Variants in CFAP54 observed in about 807,000 individuals in gnomAD.
The protein encoded by CFAP54 is cilia and flagella associated protein 54.
In CFAP54, 290 loss-of-function variants were observed where a neutral mutation model predicts 370.4. The ratio of observed to expected loss-of-function variants is 0.78; its 90% confidence interval spans 0.71 to 0.86. The LOEUF (loss-of-function observed/expected upper bound fraction) is 0.86. Ranked by LOEUF, CFAP54 falls within the 40% of genes least tolerant of loss-of-function variation. The pLI, the probability that CFAP54 is intolerant of heterozygous loss-of-function variation, is 0.00. For missense variants in CFAP54, 3,399 were observed against 3,528.7 expected, an observed-to-expected ratio of 0.96 and a Z score of 0.93; for synonymous variants, 1,206 against 1,236.5, an observed-to-expected ratio of 0.98 and a Z score of 0.52.
intron 15 of CFAP54, among the ~76,000 whole-genome samples, chr12:96,552,878 C>CA (rs1437960357): frequency 6.6e-6 from 1 of 152,082 alleles, no homozygotes; most frequent in Non-Finnish European, 1.5e-5. Context: ...ATTAGTCTTC[C>CA]AATGAGGGGC....
intron 15 of CFAP54, among the ~76,000 whole-genome samples, chr12:96,549,165 T>C (rs546190697): frequency 6.6e-6 from 1 of 152,296 alleles, no homozygotes; most frequent in South Asian, 2.1e-4. Context: ...CTCTGGTAGA[T>C]TTTTAAGGAC....
intron 9 of CFAP54, among the ~76,000 whole-genome samples, chr12:96,530,586 A>G (rs1220652106): frequency 6.6e-6 from 1 of 152,204 alleles, no homozygotes; most frequent in Non-Finnish European, 1.5e-5. Context: ...TTTGAAGGAC[A>G]TTTGAATTAT....
At chr12:96,675,897 A>T (rs568702022) in intron 39 of CFAP54, among the ~76,000 whole-genome samples, 1 of 146,424 alleles carries the variant, frequency 6.8e-6, no homozygotes, top group African/African-American at 2.5e-5. Context: ...ATGAGAATAC[A>T]TGGACCCAGG....
intron 9 of CFAP54, among the ~76,000 whole-genome samples, chr12:96,528,317 A>G (rs905006591): frequency 1.3e-5 from 2 of 152,188 alleles, no homozygotes; most frequent in Non-Finnish European, 2.9e-5. Flanking sequence ...TGAGTCGATC[A>G]AATGGCTTTC....
At chr12:96,745,346 C>T (rs1958102378) in intron 55 of CFAP54, among the ~76,000 whole-genome samples, 1 of 152,172 alleles carries the variant, frequency 6.6e-6, no homozygotes, top group African/African-American at 2.4e-5. Flanking sequence ...TTGCCAGCAT[C>T]TGTTGTTTTT....
chr12:96,524,126 T>C (rs1384842775), intron 8 of CFAP54, among the ~76,000 whole-genome samples: 1 of 152,190 alleles, frequency 6.6e-6, no homozygotes, highest in Non-Finnish European at 1.5e-5. Context: ...TTTCTGGGTT[T>C]GTATGTAAGT....
Position 96,507,035 on chromosome 12 carries a change from C to T in CFAP54, c.675C>T (p.Ser225=). ...TGGTCCAGTGTCTGCATATCTTGTC[C>T]TCCTTAAGGCTCATCATGCAAGTGG... ...ESVVQCLHIL[S]SLRLIMQVAL... is the part of the protein sequence containing the mutation. The change falls in exon 4 of 68, where the codon TCC becomes TCT. Residue 225 remains serine (S), a synonymous_variant. Coordinates refer to ENST00000524981, the MANE Select transcript of CFAP54 (RefSeq NM_001306084.2). 1 of 1,535,444 alleles carries T rather than the reference C, an allele frequency of 6.5e-7. No individual in the cohort carries two copies. Among genetic ancestry groups the T allele is most frequent in the South Asian group, 1.2e-5 (1 of 83,710 alleles).
chr12:96,720,742 C>T lies in CFAP54; in HGVS notation c.6965+177C>T, dbSNP rs1044904682. On this transcript the variant is annotated intron_variant, in intron 50 of 67. Transcript: ENST00000524981. The stretch of plus-strand genomic sequence containing the variant: ...ATTTCACTTAAAATTATAGCTCTGG[C>T]TGGGTGTGGTGGCTCATGCCTGTAA... 6.6e-5 allele frequency among the ~76,000 whole-genome samples: 10 copies of T among 152,174 alleles called. No homozygotes were observed. In the East Asian group the frequency reaches 1.9e-3, roughly 29 times the overall value.
chr12:96,583,390 G>A (rs536381256), intron 22 of CFAP54, among the ~76,000 whole-genome samples: 1 of 152,146 alleles, frequency 6.6e-6, no homozygotes, highest in Admixed American at 6.5e-5. Context: ...AGGCAAATTG[G>A]TCTCAATTTT....
chr12:96,524,623 A>G (rs1338809331), intron 8 of CFAP54, among the ~76,000 whole-genome samples: 2 of 152,240 alleles, frequency 1.3e-5, no homozygotes, highest in Admixed American at 1.3e-4. Flanking sequence ...GTGAAGGATC[A>G]GAGCATGGTC....
At chr12:96,822,928 C>T (rs1318141686) in intron 65 of CFAP54, among the ~76,000 whole-genome samples, 2 of 152,118 alleles carry the variant, frequency 1.3e-5, no homozygotes, top group East Asian at 3.8e-4. Context: ...CAGTCTGGCT[C>T]AGCAATTTAT....
In CFAP54 at chr12:96,554,798, G is replaced by A. The variant is rs1592848864; in HGVS notation, c.2406G>A (p.Leu802=). The A allele has an allele frequency of 6.5e-7, 1 of 1,533,174 alleles. No homozygotes were observed. The highest frequency in any genetic ancestry group is 2.5e-5 in the East Asian group (1 of 40,804). The allele number at this position is 1,533,174 out of a possible 1,614,324, so 95.0% of individuals were successfully genotyped here. ...HRIAVVLLDK[L]QVLQTPTVSK... is the part of the protein sequence containing the mutation. The stretch of plus-strand genomic sequence containing the variant: ...TAGCTGTTGTGCTTCTGGACAAATT[G>A]CAAGGTAGTAGTCACTAAAGCAAGT... The change falls in exon 17 of 68, where the codon TTG becomes TTA. Residue 802 remains leucine, a synonymous_variant. Transcript: ENST00000524981.
At chr12:96,618,372 A>T (rs919078138) in intron 26 of CFAP54, among the ~76,000 whole-genome samples, 2 of 152,192 alleles carry the variant, frequency 1.3e-5, no homozygotes, top group Non-Finnish European at 2.9e-5. Flanking sequence ...CTAGAGCAGG[A>T]TCCCTGAAAG....
At chr12:96,736,785 T>G (rs1188512238) in intron 50 of CFAP54, among the ~76,000 whole-genome samples, 2 of 152,088 alleles carry the variant, frequency 1.3e-5, no homozygotes, top group Non-Finnish European at 1.5e-5. Flanking sequence ...AAAGGTACAG[T>G]CAACAGTGAC....
At chr12:96,510,590 A>T (rs1955154710) in intron 4 of CFAP54, among the ~76,000 whole-genome samples, 1 of 152,048 alleles carries the variant, frequency 6.6e-6, no homozygotes, top group African/African-American at 2.4e-5. Context: ...TGTTTTTTGG[A>T]CAGGCATGTG....
intron 39 of CFAP54, among the ~76,000 whole-genome samples, chr12:96,670,681 TA>T (rs1183796875): frequency 1.3e-5 from 2 of 151,558 alleles, no homozygotes; most frequent in Admixed American, 1.3e-4. Context: ...AACAGGAGAG[TA>T]GTATAAACAA....
chr12:96,598,664 T>C lies in CFAP54; in HGVS notation c.3536T>C (p.Val1179Ala). ...TTTTAGATCCTGATAAAGTGTATAG[T>C]GGTTTTGCAAGGACTACCAAGTATT... ...PVVQILIKCIVVLQGLPSIVC... is the reference protein window; with the variant it reads ...PVVQILIKCIAVLQGLPSIVC... The change falls in exon 26 of 68, where the codon GTG becomes GCG. Residue 1179 changes from valine to alanine, a missense_variant. Transcript: ENST00000524981. The C allele has an allele frequency of 1.5e-6, 1 of 669,708 alleles. No individual in the cohort carries two copies. The highest frequency in any genetic ancestry group is 2.7e-6 in the Non-Finnish European group (1 of 367,144). 41.5% of individuals were successfully genotyped at this position (669,708 alleles called of 1,614,324 possible). A position where few individuals can be genotyped will look rare whatever the true frequency, so the allele number is the denominator to read the frequency against.
intron 60 of CFAP54, 23 bp downstream of exon 60, chr12:96,765,241 T>G (rs1388937618): frequency 6.9e-7 from 1 of 1,456,368 alleles, no homozygotes; most frequent in African/African-American, 1.4e-5. Context: ...GTCTACATAT[T>G]ATGCAAAAAA....
chr12:96,667,244 G>A (rs1438926460), intron 39 of CFAP54, among the ~76,000 whole-genome samples: 1 of 152,156 alleles, frequency 6.6e-6, no homozygotes, highest in Non-Finnish European at 1.5e-5. Flanking sequence ...ATCATTTTGA[G>A]GTCTGGAGGA....
Sources: gnomAD v4.1 joint callset for allele counts (sites outside exome capture counted in the v4.1 genomes callset) on GRCh38, gnomAD v4.1.1 for gene constraint, MANE v1.5 for transcripts, NCBI Gene and HGNC (gene_info 2026-07-23, HGNC 2026-07-21) for gene names.